Variants in MBD4 observed in about 807,000 individuals in gnomAD.
MBD4 encodes the protein methyl-CpG-binding domain protein 4.
Under a neutral mutation model 60.2 loss-of-function variants are expected in MBD4, and 53 were observed. The ratio of observed to expected loss-of-function variants is 0.88; its 90% CI spans 0.71 to 1.11. MBD4 has a LOEUF of 1.11. MBD4 is among the 50% of genes least tolerant of loss of function. The pLI is 0.00. For synonymous variants in MBD4, 231 were observed against 229.8 expected, an observed-to-expected ratio of 1.01 and a Z score of -0.05; for missense variants, 619 against 674.0, an observed-to-expected ratio of 0.92 and a Z score of 0.90.
At position 129,437,095 on chromosome 3, in the gene MBD4, C is replaced by G; in HGVS notation, c.549G>C (p.Lys183Asn). Residue 183 changes from lysine (K) to asparagine (N), a missense_variant, in exon 3 of 8, where the codon AAG (lysine) becomes AAC (asparagine). Transcript: ENST00000429544. The part of the protein sequence containing the change: ...NSNWNLRTRS[K>N]CKKDVFMPPS... ...GCGGCATAAACACATCCTTTTTGCA[C>G]TTGCTTCGGGTCCTGAGGTTCCAGT... 1 of 1,613,914 alleles carries G rather than the reference C, an allele frequency of 6.2e-7. No individual in the cohort carries two copies. The highest frequency in any genetic ancestry group is 1.1e-5 in the South Asian group (1 of 91,034).
Position 129,434,065 on chromosome 3 carries a change from C to T in MBD4, c.1255G>A (p.Glu419Lys), listed in dbSNP as rs2072409115. 1.9e-6 allele frequency: 3 copies of T among 1,614,020 alleles called. No individual in the cohort carries two copies. The highest frequency in any genetic ancestry group is 4.5e-5 in the East Asian group (2 of 44,882). ...SLYFSSKYNK[E>K]ALSPPRRKAF... ...GTTCTGATTGGGAAAGGGATACCTT[C>T]TTTGTTATATTTGCTGGAAAAATAC... is the stretch of plus-strand genomic sequence containing the variant. Residue 419 changes from glutamate to lysine, a missense_variant, in exon 4 of 8, where the codon GAA becomes AAA. By Grantham distance (56) the Glu-to-Lys change is moderately conservative. Coordinates refer to ENST00000429544, the MANE Select transcript of MBD4 (RefSeq NM_001276270.2).
rs1166293516 is a variant in MBD4, at chr3:129,437,152, T to C, written c.492A>G (p.Thr164=). The stretch of plus-strand genomic sequence containing the variant: ...TGTTACTTTGGTTTTGTAGATGGGA[T>C]GTCAGGGCTGCCATGCTGCAGTCTT... ...RYKDCSMAAL[T]SHLQNQSNNS... Residue 164 remains threonine, a synonymous_variant, in exon 3 of 8, where the codon ACA becomes ACG. Coordinates refer to ENST00000429544, the MANE Select transcript of MBD4 (RefSeq NM_001276270.2). 1 of 1,614,094 alleles carries C rather than the reference T, an allele frequency of 6.2e-7. No homozygotes were observed. Among genetic ancestry groups the C allele is most frequent in the Non-Finnish European group, 8.5e-7 (1 of 1,179,982 alleles).
chr3:129,433,771 T>C, intron 5 of MBD4, 79 bp downstream of exon 5: 1 of 1,584,754 alleles, frequency 6.3e-7, no homozygotes, highest in South Asian at 1.1e-5. Context: ...AAAATGGACT[T>C]TGAACCCAGG....
In MBD4 at chr3:129,433,998, G is replaced by T; in HGVS notation, c.1259-14C>A. On this transcript the variant is annotated splice_polypyrimidine_tract_variant and intron_variant, in intron 4 of 7. Coordinates refer to ENST00000429544, the MANE Select transcript of MBD4 (RefSeq NM_001276270.2). Reference sequence around the variant, plus strand: ...GGGGGCTAAGAGCTAAACAAACATAGTGCATCAGAATTGAAAACCCAAAAT... The same window carrying T: ...GGGGGCTAAGAGCTAAACAAACATATTGCATCAGAATTGAAAACCCAAAAT... 1 of 1,614,092 alleles carries T rather than the reference G, an allele frequency of 6.2e-7. No individual in the cohort carries two copies. The highest frequency in any genetic ancestry group is 8.5e-7 in the Non-Finnish European group (1 of 1,179,996).
Position 129,436,641 on chromosome 3 carries a change from T to C in MBD4, c.1003A>G (p.Lys335Glu). 2.5e-6 allele frequency: 4 copies of C among 1,614,166 alleles called. No individual in the cohort carries two copies. The highest frequency in any genetic ancestry group is 3.4e-6 in the Non-Finnish European group (4 of 1,180,006). ...SEQKTSGIIN[K>E]FCSAKDSEHN... is the part of the protein sequence containing the mutation. ...TCTGAGTCTTTGGCTGAACAAAATT[T>C]GTTTATGATGCCAGAAGTTTTTTGT... The change falls in exon 3 of 8, where the codon AAA (lysine) becomes GAA (glutamate). Residue 335 changes from lysine (K) to glutamate (E), a missense_variant. By Grantham distance (56) the Lys-to-Glu change is moderately conservative (BLOSUM62 1). Transcript: ENST00000429544.
At chr3:129,432,690 G>C (rs1029262618) in intron 6 of MBD4, 84 bp from the exon 7 acceptor site, 1 of 1,277,502 alleles carries the variant, frequency 7.8e-7, no homozygotes, top group Non-Finnish European at 1.1e-6. Flanking sequence ...AGGATGGAGA[G>C]AACAGCAGAA....
At chr3:129,433,305 C>G in intron 5 of MBD4, 58 bp from the exon 6 acceptor site, 1 of 1,565,242 alleles carries the variant, frequency 6.4e-7, no homozygotes, top group Non-Finnish European at 8.8e-7. Context: ...ATTTCATGTT[C>G]AAGTAGTTTC....
At position 129,436,617 on chromosome 3, in the gene MBD4, C is replaced by A. The variant is rs368949278; in HGVS notation, c.1027G>T (p.Glu343Ter). Residue 343 changes from glutamate (E) to a stop codon, truncating the protein, a stop_gained, in exon 3 of 8, where the codon GAA (glutamate) becomes TAA (stop). Transcript: ENST00000429544. LOFTEE classifies it high-confidence loss of function. ...INKFCSAKDS[E>*]HNEKYEDTFL... ...GTATCCTCATACTTCTCGTTGTGTT[C>A]TGAGTCTTTGGCTGAACAAAATTTG... 6.2e-7 allele frequency: 1 copy of A among 1,614,134 alleles called. No homozygotes were observed. The highest frequency in any genetic ancestry group is 8.5e-7 in the Non-Finnish European group (1 of 1,180,016).
rs1559799003 is a variant in MBD4, at chr3:129,434,122, GT to G, written c.1197del (p.Arg400GlufsTer4). ...TRKDFTEDTI[P>X]RTQIERRKTS... is the part of the protein sequence containing the mutation. ...GTTTTCCTTCTTTCTATCTGTGTTC[GT>G]GGGATGGTATCTTCTGAAAAGGAAA... On this transcript the variant is annotated frameshift_variant, in exon 4 of 8. Transcript: ENST00000429544. LOFTEE classifies it high-confidence loss of function. 6.2e-7 allele frequency: 1 copy of G among 1,613,770 alleles called. No individual in the cohort carries two copies. The highest frequency in any genetic ancestry group is 2.2e-5 in the East Asian group (1 of 44,878).
Position 129,434,052 on chromosome 3 carries a change from A to C in MBD4, c.1258+10T>G. The C allele has an allele frequency of 6.2e-7, 1 of 1,614,112 alleles. No individual in the cohort carries two copies. Among genetic ancestry groups the C allele is most frequent in the Non-Finnish European group, 8.5e-7 (1 of 1,179,962 alleles). ...ATTAGAATTTGCTGTTCTGATTGGG[A>C]AAGGGATACCTTCTTTGTTATATTT... is the stretch of plus-strand genomic sequence containing the variant. On this transcript the variant is annotated intron_variant, in intron 4 of 7. Coordinates refer to ENST00000429544, the MANE Select transcript of MBD4 (RefSeq NM_001276270.2).
intron 2 of MBD4, 23 bp from the exon 3 acceptor site, chr3:129,437,331 A>T: frequency 1.3e-6 from 2 of 1,586,146 alleles, no homozygotes; most frequent in Non-Finnish European, 1.7e-6. Flanking sequence ...ATTAAAGGAA[A>T]CTTACTGCTA....
intron 3 of MBD4, among the ~76,000 whole-genome samples, chr3:129,435,798 C>T (rs2072447174): frequency 6.6e-6 from 1 of 152,068 alleles, no homozygotes; most frequent in South Asian, 2.1e-4. Flanking sequence ...CTCTTATTCA[C>T]TGAGGTATTA....
chr3:129,433,346 TTTTAAAG>T, intron 5 of MBD4, 99 bp from the exon 6 acceptor site: 1 of 1,382,516 alleles, frequency 7.2e-7, no homozygotes, highest in Non-Finnish European at 1.0e-6. Context: ...GGGTTTTTTT[TTTTAAAG>T]AAAACAAAAA....
rs1411484579 is a variant in MBD4 at position 129,439,885 on chromosome 3, T to G, written c.-52A>C. ...GCCCAGCGCCGCAACGCCCAGGGTG[T>G]GGGGCGGAGTAAGATGTGAAACCTC... On this transcript the variant is annotated 5_prime_UTR_variant, in exon 1 of 8. Transcript: ENST00000429544. 1 of 1,265,276 alleles carries G rather than the reference T, an allele frequency of 7.9e-7. No homozygotes were observed. The highest frequency in any genetic ancestry group is 1.2e-5 in the South Asian group (1 of 81,736). The allele number at this position is 1,265,276 out of a possible 1,614,324, so 78.4% of individuals were successfully genotyped here.
At chr3:129,436,301 T>C in intron 3 of MBD4, 160 bp downstream of exon 3, 1 of 790,728 alleles carries the variant, frequency 1.3e-6, no homozygotes, top group East Asian at 2.7e-5. Context: ...GATAAAGTAT[T>C]AGGATCAACT....
chr3:129,439,721 G>GT lies in MBD4; in HGVS notation c.104+8dup. The GT allele has an allele frequency of 6.5e-7, 1 of 1,543,554 alleles. No homozygotes were observed. The highest frequency in any genetic ancestry group is 8.8e-7 in the Non-Finnish European group (1 of 1,131,300). ...TGAAACTGAGGCCCAAAAGGGGACAGTAACTTACCGGAGGTCATTCGGCGG... is the reference window on the plus strand; with the variant it reads ...TGAAACTGAGGCCCAAAAGGGGACAGTTAACTTACCGGAGGTCATTCGGCGG... On this transcript the variant is annotated intron_variant, in intron 1 of 7. Coordinates refer to ENST00000429544, the MANE Select transcript of MBD4 (RefSeq NM_001276270.2).
intron 3 of MBD4, among the ~76,000 whole-genome samples, chr3:129,434,769 G>C (rs531598336): frequency 5.0e-4 from 76 of 152,194 alleles, no homozygotes; most frequent in African/African-American, 1.6e-3. Flanking sequence ...AATTTCTGCA[G>C]TGAACACTTA....
chr3:129,436,922 A>T lies in MBD4; in HGVS notation c.722T>A (p.Ile241Asn). The T allele has an allele frequency of 6.2e-7, 1 of 1,614,050 alleles. No homozygotes were observed. The highest frequency in any genetic ancestry group is 8.5e-7 in the Non-Finnish European group (1 of 1,180,006). The change falls in exon 3 of 8, where the codon ATC becomes AAC. Residue 241 changes from isoleucine (I) to asparagine (N), a missense_variant. Ile to Asn is a moderately radical substitution (Grantham distance 149). Coordinates refer to ENST00000429544, the MANE Select transcript of MBD4 (RefSeq NM_001276270.2). ...TCCTTTTTTAGTTTTCTTAATTGGG[A>T]TTCCTTTCAAAATAGTCACCTTTCC... The part of the protein sequence containing the change: ...PKGKVTILKG[I>N]PIKKTKKGCR...
chr3:129,433,630 T>C, intron 5 of MBD4: 1 of 606,540 alleles, frequency 1.6e-6, no homozygotes, highest in Non-Finnish European at 2.9e-6. Flanking sequence ...CAAAAAGAAT[T>C]TGGAAGTATA....
Sources: gnomAD v4.1 joint callset for allele counts (sites outside exome capture counted in the v4.1 genomes callset) on GRCh38, gnomAD v4.1.1 for gene constraint, MANE v1.5 for transcripts, NCBI Gene and HGNC (gene_info 2026-07-23, HGNC 2026-07-21) for gene names.